The following REDIC1 variants were observed in gnomAD, a reference collection of about 807,000 sequenced individuals.
REDIC1 encodes the protein regulator of DNA class I crossover intermediates 1, also known as HEI10 Interacting Protein 1.
chr12:39,659,305 T>C, the REDIC1 span, among the ~76,000 whole-genome samples: 1 of 152,062 alleles, frequency 6.6e-6, no homozygotes, highest in African/African-American at 2.4e-5. Flanking sequence ...TTCTTATGTT[T>C]GGGTTTTCTT....
chr12:39,874,228 T>C, the REDIC1 span, among the ~76,000 whole-genome samples: 3 of 151,762 alleles, frequency 2.0e-5, no homozygotes, highest in African/African-American at 4.8e-5. Context: ...GCACTGGAGG[T>C]CACTGAAATG....
chr12:39,874,560 A>G, the REDIC1 span, among the ~76,000 whole-genome samples: 2 of 150,202 alleles, frequency 1.3e-5, no homozygotes, highest in East Asian at 4.0e-4. Flanking sequence ...GATTGCAGTG[A>G]GCCAAGATCA....
At chr12:39,865,434 G>A in the REDIC1 span, among the ~76,000 whole-genome samples, 1 of 152,152 alleles carries the variant, frequency 6.6e-6, no homozygotes, top group Non-Finnish European at 1.5e-5. Flanking sequence ...TAAAGTACCA[G>A]AAATAATATA....
the REDIC1 span, among the ~76,000 whole-genome samples, chr12:39,772,497 ATTTG>A: frequency 6.6e-6 from 1 of 152,074 alleles, no homozygotes; most frequent in African/African-American, 2.4e-5. Context: ...TTACATTTGC[ATTTG>A]TTTAATTGTG....
At chr12:39,643,651 T>C in the REDIC1 span, 3 of 694,322 alleles carry the variant, frequency 4.3e-6, no homozygotes, top group African/African-American at 1.9e-5. Flanking sequence ...TTTATAAACA[T>C]ATAAAGATGT....
chr12:39,852,482 T>A, the REDIC1 span, among the ~76,000 whole-genome samples: 7 of 152,332 alleles, frequency 4.6e-5, no homozygotes, highest in African/African-American at 1.7e-4. Flanking sequence ...AGAGGACTTG[T>A]TCATTGATCA....
At chr12:39,697,480 G>T in the REDIC1 span, among the ~76,000 whole-genome samples, 2 of 152,210 alleles carry the variant, frequency 1.3e-5, no homozygotes, top group Admixed American at 1.3e-4. Flanking sequence ...CACTGTAAAT[G>T]TGTGTAAACT....
the REDIC1 span, among the ~76,000 whole-genome samples, chr12:39,696,256 A>G: frequency 2.6e-5 from 4 of 151,598 alleles, no homozygotes; most frequent in Non-Finnish European, 4.4e-5. Context: ...TAAATAACGC[A>G]CCAAGGGCCG....
At chr12:39,895,924 G>GTATA in the REDIC1 span, among the ~76,000 whole-genome samples, 27 of 136,332 alleles carry the variant, frequency 2.0e-4, no homozygotes, top group African/African-American at 6.6e-4. Flanking sequence ...ATGCATATAT[G>GTATA]TGTATATGTG....
At chr12:39,712,468 G>C in the REDIC1 span, among the ~76,000 whole-genome samples, 14 of 119,868 alleles carry the variant, frequency 1.2e-4, no homozygotes, top group East Asian at 2.7e-3. Flanking sequence ...ATATACGTAT[G>C]TATATATACA....
the REDIC1 span, among the ~76,000 whole-genome samples, chr12:39,692,959 C>A: frequency 6.6e-6 from 1 of 152,158 alleles, no homozygotes; most frequent in Admixed American, 6.5e-5. Flanking sequence ...ATATCTCAGT[C>A]TTTTATCATT....
chr12:39,862,083 G>A, the REDIC1 span, among the ~76,000 whole-genome samples: 1 of 152,034 alleles, frequency 6.6e-6, no homozygotes, highest in East Asian at 1.9e-4. Context: ...CCTTCCTTGT[G>A]TCCCTATGTT....
the REDIC1 span, among the ~76,000 whole-genome samples, chr12:39,730,714 G>A: frequency 6.6e-6 from 1 of 152,108 alleles, no homozygotes; most frequent in Non-Finnish European, 1.5e-5. Context: ...CTAGGTTGGG[G>A]GAGTTCTCCT....
the REDIC1 span, among the ~76,000 whole-genome samples, chr12:39,715,302 C>A: frequency 6.6e-6 from 1 of 151,886 alleles, no homozygotes; most frequent in East Asian, 1.9e-4. Flanking sequence ...AGCCCAGCAC[C>A]ATTTGTTGAA....
the REDIC1 span, among the ~76,000 whole-genome samples, chr12:39,788,067 G>C: frequency 6.6e-6 from 1 of 152,044 alleles, no homozygotes; most frequent in Non-Finnish European, 1.5e-5. Context: ...ACTCATACTT[G>C]TTGTGGGGTA....
chr12:39,762,390 C>T, the REDIC1 span, among the ~76,000 whole-genome samples: 1 of 118,372 alleles, frequency 8.4e-6, no homozygotes, highest in Non-Finnish European at 1.9e-5. Context: ...ATTAAAACAA[C>T]TATTTAATTG....
the REDIC1 span, among the ~76,000 whole-genome samples, chr12:39,859,140 C>T: frequency 2.0e-5 from 3 of 152,042 alleles, no homozygotes; most frequent in African/African-American, 7.2e-5. Flanking sequence ...GATGAAGCCA[C>T]AGTTTGTCAA....
At chr12:39,701,179 A>G in the REDIC1 span, among the ~76,000 whole-genome samples, 2 of 152,196 alleles carry the variant, frequency 1.3e-5, no homozygotes, top group Non-Finnish European at 2.9e-5. Flanking sequence ...AGTGTGCTGT[A>G]TTCAGGAATC....
chr12:39,769,549 G>A, the REDIC1 span, among the ~76,000 whole-genome samples: 1 of 151,380 alleles, frequency 6.6e-6, no homozygotes, highest in African/African-American at 2.4e-5. Context: ...ATTGTAGGGT[G>A]TAGGCTTCCT....
Sources: gnomAD v4.1 joint callset for allele counts (sites outside exome capture counted in the v4.1 genomes callset) on GRCh38, gnomAD v4.1.1 for gene constraint, MANE v1.5 for transcripts, NCBI Gene and HGNC (gene_info 2026-07-23, HGNC 2026-07-21) for gene names.